The following ZNF33A variants were observed in gnomAD, a reference collection of about 807,000 sequenced individuals.
ZNF33A encodes brain my041 protein.
ZNF33A carries 9 observed loss-of-function variants against 15.9 expected under a neutral mutation model. The ratio of observed to expected loss-of-function variants is 0.57; its 90% CI spans 0.34 to 0.99. ZNF33A has a LOEUF of 0.99. Among genes scored for constraint, ZNF33A ranks in the 50% least tolerant of loss-of-function variants. The pLI is 0.02. For missense variants in ZNF33A, 843 were observed against 941.6 expected, an observed-to-expected ratio of 0.90 and a Z score of 1.37; for synonymous variants, 294 against 324.2, an observed-to-expected ratio of 0.91 and a Z score of 1.00.
In ZNF33A at chr10:38,057,805, T is replaced by C; in HGVS notation, c.*1245T>C. The C allele has an allele frequency of 1.0e-6, 1 of 985,408 alleles. No individual in the cohort carries two copies. The highest frequency in any genetic ancestry group is 1.2e-6 in the Non-Finnish European group (1 of 829,992). 61.0% of individuals were successfully genotyped at this position (985,408 alleles called of 1,614,324 possible). A position where few individuals can be genotyped will look rare whatever the true frequency, so the allele number is the denominator to read the frequency against. On this transcript the variant is annotated 3_prime_UTR_variant, in exon 5 of 5. Transcript: ENST00000432900. Reference sequence around the variant, plus strand: ...CCAAATTTTCTTTAAGCAGCTGCTCTCCAAGACAGGGCCCTGGAAAGGCCC... The same window carrying C: ...CCAAATTTTCTTTAAGCAGCTGCTCCCCAAGACAGGGCCCTGGAAAGGCCC...
rs2066454467 is a variant in ZNF33A, at chr10:38,055,881, G to A, written c.1757G>A (p.Cys586Tyr). Residue 586 changes from cysteine to tyrosine, a missense_variant, in exon 5 of 5, where the codon TGT becomes TAT. Cys to Tyr is a radical substitution (Grantham distance 194). Transcript: ENST00000432900. Reference protein sequence around the residue: ...TGEKPYECHECGKIFYNKSYL... With the variant: ...TGEKPYECHEYGKIFYNKSYL... ...GAGAAACCCTACGAATGTCATGAAT[G>A]TGGAAAAATCTTTTACAATAAATCA... is the stretch of plus-strand genomic sequence containing the variant. The A allele has an allele frequency of 4.3e-6, 7 of 1,613,952 alleles. No homozygotes were observed. Among genetic ancestry groups the A allele is most frequent in the South Asian group, 1.1e-5 (1 of 91,080 alleles).
Position 38,055,350 on chromosome 10 carries a change from G to T in ZNF33A, c.1226G>T (p.Gly409Val). ...ALTLHQRTHT[G>V]EKPYQCNACG... ...ACATTACACCAGAGAACACATACAG[G>T]GGAGAAACCCTATCAATGTAATGCG... The change falls in exon 5 of 5, where the codon GGG (glycine) becomes GTG (valine). Residue 409 changes from glycine (G) to valine (V), a missense_variant. Gly to Val is a moderately radical substitution (Grantham distance 109). Coordinates refer to ENST00000432900, the MANE Select transcript of ZNF33A (RefSeq NM_006954.2). 1 of 1,614,014 alleles carries T rather than the reference G, an allele frequency of 6.2e-7. No individual in the cohort carries two copies. The highest frequency in any genetic ancestry group is 8.5e-7 in the Non-Finnish European group (1 of 1,179,982).
chr10:38,040,260 A>T (rs560505545), intron 4 of ZNF33A, among the ~76,000 whole-genome samples: 23 of 152,250 alleles, frequency 1.5e-4, no homozygotes, highest in Admixed American at 1.2e-3. Context: ...CTTTTGAAGC[A>T]TACCTGCTCC....
chr10:38,044,674 T>C (rs1369189982), intron 4 of ZNF33A, among the ~76,000 whole-genome samples: 1 of 152,060 alleles, frequency 6.6e-6, no homozygotes, highest in Non-Finnish European at 1.5e-5. Flanking sequence ...ACATATTTAT[T>C]TTTATTTTTT....
chr10:38,015,165 G>A (rs1355265621), intron 2 of ZNF33A, among the ~76,000 whole-genome samples: 1 of 152,106 alleles, frequency 6.6e-6, no homozygotes, highest in Non-Finnish European at 1.5e-5. Context: ...GTGAGCCACT[G>A]TGCCTGGCCT....
At chr10:38,020,711 C>T (rs2064698726) in intron 4 of ZNF33A, among the ~76,000 whole-genome samples, 1 of 151,978 alleles carries the variant, frequency 6.6e-6, no homozygotes, top group African/African-American at 2.4e-5. Context: ...GTATATGTAC[C>T]ACATTTTCTT....
At chr10:38,050,509 G>T (rs530737940) in intron 4 of ZNF33A, among the ~76,000 whole-genome samples, 1 of 152,220 alleles carries the variant, frequency 6.6e-6, no homozygotes, top group East Asian at 1.9e-4. Context: ...CTTGTGATTT[G>T]TATGTAAAGT....
chr10:38,017,895 C>G (rs746685249), intron 4 of ZNF33A, among the ~76,000 whole-genome samples: 18 of 152,104 alleles, frequency 1.2e-4, no homozygotes, highest in African/African-American at 4.1e-4. Flanking sequence ...AGGAGTTCCA[C>G]AACAGCCTGG....
At chr10:38,047,510 C>T (rs569783998) in intron 4 of ZNF33A, among the ~76,000 whole-genome samples, 61 of 151,496 alleles carry the variant, frequency 4.0e-4, no homozygotes, top group African/African-American at 1.5e-3. Flanking sequence ...GCCTGTAGTC[C>T]CAGCTACTCG....
downstream of ZNF33A, among the ~76,000 whole-genome samples, chr10:38,067,405 A>G (rs569278341): frequency 1.3e-5 from 2 of 152,316 alleles, no homozygotes; most frequent in East Asian, 3.9e-4. Context: ...GGTATGCCAG[A>G]GTAGGAGTTC....
chr10:38,023,014 C>T (rs1330114241), intron 4 of ZNF33A, among the ~76,000 whole-genome samples: 4 of 151,910 alleles, frequency 2.6e-5, no homozygotes, highest in African/African-American at 4.8e-5. Flanking sequence ...GGTGTAATCT[C>T]GGCTCACCGC....
At chr10:38,039,188 T>G (rs1490796866) in intron 4 of ZNF33A, among the ~76,000 whole-genome samples, 4 of 7,796 alleles carry the variant, frequency 5.1e-4, no homozygotes, top group African/African-American at 2.2e-3. Flanking sequence ...TGGACCTGGG[T>G]TTTTTTTTTG....
At chr10:38,041,075 T>C (rs1397268700) in intron 4 of ZNF33A, among the ~76,000 whole-genome samples, 1 of 152,220 alleles carries the variant, frequency 6.6e-6, no homozygotes, top group Non-Finnish European at 1.5e-5. Flanking sequence ...TTTTTGGTAC[T>C]CTATTCCTTT....
At chr10:38,031,138 A>G (rs1275613922) in intron 4 of ZNF33A, among the ~76,000 whole-genome samples, 1 of 152,242 alleles carries the variant, frequency 6.6e-6, no homozygotes, top group Non-Finnish European at 1.5e-5. Flanking sequence ...TGAAATCTGA[A>G]TAAGGTTGAT....
chr10:38,035,772 C>A (rs1413819179), intron 4 of ZNF33A, among the ~76,000 whole-genome samples: 2 of 151,914 alleles, frequency 1.3e-5, no homozygotes. Flanking sequence ...AGAAATAAAC[C>A]ATTCAAATGG....
upstream of ZNF33A, chr10:38,010,517 C>G (rs2064117728): frequency 1.5e-6 from 1 of 655,532 alleles, no homozygotes; most frequent in Admixed American, 2.2e-5. Flanking sequence ...AGCACCAACT[C>G]AGACCGCATC....
At chr10:38,043,639 G>T (rs1284709856) in intron 4 of ZNF33A, among the ~76,000 whole-genome samples, 1 of 151,542 alleles carries the variant, frequency 6.6e-6, no homozygotes, top group Non-Finnish European at 1.5e-5. Context: ...GAAGATCAAA[G>T]AAATAATTTC....
rs1564883624 is a variant in ZNF33A, at chr10:38,056,225, T to C, written c.2101T>C (p.Phe701Leu). 1 of 1,614,034 alleles carries C rather than the reference T, an allele frequency of 6.2e-7. No individual in the cohort carries two copies. Among genetic ancestry groups the C allele is most frequent in the Non-Finnish European group, 8.5e-7 (1 of 1,179,980 alleles). Residue 701 changes from phenylalanine to leucine, a missense_variant, in exon 5 of 5, where the codon TTC becomes CTC. Transcript: ENST00000432900. ...CTATGAATGCAATGAATGTGGGAAA[T>C]TCTTCAGGCACAAATCATCACTCAC... Reference protein sequence around the residue: ...KPYECNECGKFFRHKSSLTVH... With the variant: ...KPYECNECGKLFRHKSSLTVH...
chr10:38,035,828 G>T (rs1475214936), intron 4 of ZNF33A, among the ~76,000 whole-genome samples: 1 of 151,702 alleles, frequency 6.6e-6, no homozygotes, highest in Non-Finnish European at 1.5e-5. Context: ...TTTCATAAAA[G>T]AAAAGAAAAG....
Sources: gnomAD v4.1 joint callset for allele counts (sites outside exome capture counted in the v4.1 genomes callset) on GRCh38, gnomAD v4.1.1 for gene constraint, MANE v1.5 for transcripts, NCBI Gene and HGNC (gene_info 2026-07-23, HGNC 2026-07-21) for gene names.